Variants in INVS observed in about 807,000 individuals in gnomAD.
The protein encoded by INVS is inversin, also known as inversion of embryo turning homolog.
A neutral mutation model predicts 108.8 loss-of-function variants in INVS; 86 were observed. The observed-to-expected ratio is 0.79, with a 90% CI of 0.66 to 0.95. INVS has a LOEUF of 0.95. Among genes scored for constraint, INVS ranks in the 40% least tolerant of loss-of-function variants. The pLI, the probability that INVS is intolerant of heterozygous loss-of-function variation, is 0.00. For missense variants in INVS, 1,169 were observed against 1,297.4 expected (o/e 0.90, Z 1.52); for synonymous variants, 455 against 473.5 (o/e 0.96, Z 0.51).
intron 11 of INVS, among the ~76,000 whole-genome samples, chr9:100,270,869 A>C (rs1488160337): frequency 6.6e-6 from 1 of 151,516 alleles, no homozygotes; most frequent in African/African-American, 2.4e-5. Flanking sequence ...GGCTGCAGTA[A>C]GCTGTGTTTG....
Position 100,246,596 on chromosome 9 carries a change from T to A in INVS, c.907-20T>A, listed in dbSNP as rs753513461. On this transcript the variant is annotated intron_variant, in intron 7 of 16. Coordinates refer to ENST00000262457, the MANE Select transcript of INVS (RefSeq NM_014425.5). Reference sequence around the variant, plus strand: ...ATACTACTGTTTTGTCTCCATTTTTTAAATCAAGTTTTCTTACAGGAAACG... The same window carrying A: ...ATACTACTGTTTTGTCTCCATTTTTAAAATCAAGTTTTCTTACAGGAAACG... 5 of 1,595,204 alleles carry A rather than the reference T, an allele frequency of 3.1e-6. No homozygotes were observed. In the Admixed American group the frequency reaches 6.7e-5, roughly 21 times the overall value.
intron 10 of INVS, among the ~76,000 whole-genome samples, chr9:100,257,095 G>A (rs1353493469): frequency 1.3e-5 from 2 of 152,154 alleles, no homozygotes; most frequent in Non-Finnish European, 2.9e-5. Flanking sequence ...GGGTGCTCCT[G>A]TATTGGGTGC....
Position 100,242,599 on chromosome 9 carries a change from G to T in INVS, c.826G>T (p.Glu276Ter), listed in dbSNP as rs1416570345. Residue 276 changes from glutamate (E) to a stop codon, truncating the protein, a stop_gained, in exon 7 of 17, where the codon GAA (glutamate) becomes TAA (stop). Coordinates refer to ENST00000262457, the MANE Select transcript of INVS (RefSeq NM_014425.5). LOFTEE classifies it high-confidence loss of function. ...TGCACAGATTGTCCATCTCCTTTTA[G>T]AAAGAAATAAGTCTGGAACTATCCC... ...GHAQIVHLLL[E>*]RNKSGTIPSD... 6.2e-7 allele frequency: 1 copy of T among 1,610,182 alleles called. No homozygotes were observed. The highest frequency in any genetic ancestry group is 2.2e-5 in the East Asian group (1 of 44,810).
chr9:100,190,378 G>C (rs557053850), intron 3 of INVS, among the ~76,000 whole-genome samples: 10 of 152,224 alleles, frequency 6.6e-5, no homozygotes, highest in African/African-American at 2.4e-4. Flanking sequence ...CGTTAATATT[G>C]AGATGTGAAG....
intron 10 of INVS, among the ~76,000 whole-genome samples, chr9:100,255,780 G>A (rs1025418531): frequency 2.0e-5 from 3 of 152,148 alleles, no homozygotes; most frequent in Non-Finnish European, 4.4e-5. Flanking sequence ...GATCATGGTG[G>A]ATAAGCTTTT....
At chr9:100,148,870 T>G (rs1828715893) in intron 3 of INVS, among the ~76,000 whole-genome samples, 1 of 152,196 alleles carries the variant, frequency 6.6e-6, no homozygotes, top group Non-Finnish European at 1.5e-5. Context: ...GTGCAACATA[T>G]GTATGAAAAC....
In INVS at chr9:100,252,307, G is replaced by T; in HGVS notation, c.1103G>T (p.Gly368Val). The T allele has an allele frequency of 1.9e-6, 3 of 1,613,936 alleles. No homozygotes were observed. The highest frequency in any genetic ancestry group is 2.5e-6 in the Non-Finnish European group (3 of 1,179,928). ...GCTTTGCATGCTGCTGCTCTTTCTG[G>T]CCATGTCAGCACCGTGAAGTTATTA... Reference protein sequence around the residue: ...GTALHAAALSGHVSTVKLLLE... With the variant: ...GTALHAAALSVHVSTVKLLLE... Residue 368 changes from glycine to valine, a missense_variant, in exon 9 of 17, where the codon GGC becomes GTC. Physicochemically the swap from Gly to Val is moderately radical, Grantham distance 109. Around this residue, in one of 3 missense-constraint regions of INVS, gnomAD observed 271 missense variants for 363.8 expected, o/e 0.74. Transcript: ENST00000262457.
chr9:100,114,915 T>G (rs755195878), intron 2 of INVS, among the ~76,000 whole-genome samples: 12 of 152,222 alleles, frequency 7.9e-5, no homozygotes, highest in Non-Finnish European at 1.6e-4. Flanking sequence ...CACATACAAG[T>G]TTTTATATTA....
rs1826886666 is a variant in INVS at position 100,100,826 on chromosome 9, T to TATTATATA, written c.-25+1410_-25+1411insATTATATA. Among the ~76,000 whole-genome samples, 57 of 33,574 alleles carry TATTATATA rather than the reference T, an allele frequency of 1.7e-3. 2 individuals carry two copies. Among genetic ancestry groups the TATTATATA allele is most frequent in the Admixed American group, 4.2e-3 (6 of 1,424 alleles). The allele number at this position is 33,574 out of a possible 152,430, so 22.0% of individuals were successfully genotyped here. ...ATGTATATATAATATATATAATATA[T>TATTATATA]GTATATATAATATATATATAATATA... On this transcript the variant is annotated intron_variant, in intron 1 of 16. Transcript: ENST00000262457.
intron 2 of INVS, chr9:100,116,998 C>G: frequency 1.3e-6 from 2 of 1,545,098 alleles, no homozygotes; most frequent in Non-Finnish European, 1.8e-6. Flanking sequence ...TCATGAGCAG[C>G]TTCTTGGGCA....
At chr9:100,219,321 T>TG (rs1440937621) in intron 3 of INVS, among the ~76,000 whole-genome samples, 1 of 152,086 alleles carries the variant, frequency 6.6e-6, no homozygotes. Flanking sequence ...AAAACACAGC[T>TG]GTAGGCCAGG....
At chr9:100,290,523 T>C (rs1050466582) in intron 13 of INVS, among the ~76,000 whole-genome samples, 1 of 151,928 alleles carries the variant, frequency 6.6e-6, no homozygotes, top group African/African-American at 2.4e-5. Context: ...CTAATTTTTT[T>C]GTATTTTTAG....
intron 3 of INVS, among the ~76,000 whole-genome samples, chr9:100,146,663 A>T (rs1381835989): frequency 1.3e-5 from 2 of 152,192 alleles, no homozygotes; most frequent in Non-Finnish European, 2.9e-5. Flanking sequence ...TAATTATTAA[A>T]TTTTTTAAAT....
At chr9:100,274,686 G>A (rs910335061) in intron 12 of INVS, among the ~76,000 whole-genome samples, 1 of 152,166 alleles carries the variant, frequency 6.6e-6, no homozygotes, top group African/African-American at 2.4e-5. Flanking sequence ...TGTACTTTTA[G>A]TAGAGATGAG....
At chr9:100,211,712 T>G (rs998084261) in intron 3 of INVS, among the ~76,000 whole-genome samples, 3 of 152,178 alleles carry the variant, frequency 2.0e-5, no homozygotes, top group African/African-American at 7.2e-5. Context: ...AAATCCTCTT[T>G]GAGAGCCAGA....
At chr9:100,251,306 T>A (rs1484345000) in intron 8 of INVS, among the ~76,000 whole-genome samples, 1 of 152,232 alleles carries the variant, frequency 6.6e-6, no homozygotes, top group African/African-American at 2.4e-5. Context: ...TGGATCACCC[T>A]TTATGAAAGA....
intron 3 of INVS, among the ~76,000 whole-genome samples, chr9:100,208,169 A>G (rs57069181): frequency 0.19 from 29,565 of 152,156 alleles, 4,585 homozygotes; most frequent in African/African-American, 0.44. Flanking sequence ...AGACAGATGA[A>G]GAGCAGTATA....
Position 100,292,531 on chromosome 9 carries a change from G to A in INVS, c.2274G>A (p.Glu758=). ...TGGCTGGGCCTGATGAGAAAGGAGAGGACTCCAGGCGGGCAGCTGCAAGCC... is the reference window on the plus strand; with the variant it reads ...TGGCTGGGCCTGATGAGAAAGGAGAAGACTCCAGGCGGGCAGCTGCAAGCC... The part of the protein sequence containing the change: ...IRVAGPDEKG[E]DSRRAAASLP... The change falls in exon 14 of 17, where the codon GAG becomes GAA. Residue 758 remains glutamate, a synonymous_variant. Transcript: ENST00000262457. 1.1e-5 allele frequency: 18 copies of A among 1,614,210 alleles called. No homozygotes were observed. The highest frequency in any genetic ancestry group is 1.4e-5 in the Non-Finnish European group (17 of 1,180,034).
chr9:100,136,541 AT>A (rs906257999), intron 3 of INVS, among the ~76,000 whole-genome samples: 4 of 152,102 alleles, frequency 2.6e-5, no homozygotes, highest in African/African-American at 9.7e-5. Flanking sequence ...TATCTCAAAC[AT>A]TTTTTTACAG....
Sources: gnomAD v4.1 joint callset for allele counts (sites outside exome capture counted in the v4.1 genomes callset) on GRCh38, gnomAD v4.1.1 for gene constraint, gnomAD v4.1.1 regional missense constraint, MANE v1.5 for transcripts, NCBI Gene and HGNC (gene_info 2026-07-23, HGNC 2026-07-21) for gene names.